METTL25: variants seen among roughly 807,000 people sequenced by gnomAD.
METTL25 encodes the protein probable methyltransferase-like protein 25.
METTL25 carries 64 observed loss-of-function variants against 71.6 expected under a neutral mutation model. The ratio of observed to expected loss-of-function variants is 0.89; its 90% CI spans 0.73 to 1.10. The LOEUF (loss-of-function observed/expected upper bound fraction) is 1.10, where lower values mean the gene tolerates loss of function less well. Among genes scored for constraint, METTL25 ranks in the 50% least tolerant of loss-of-function variants. The pLI is 0.00. For synonymous variants in METTL25, 287 were observed against 250.3 expected (o/e 1.15, Z -1.38); for missense variants, 807 against 707.0 (o/e 1.14, Z -1.60).
chr12:82,458,518 T>C lies in METTL25; in HGVS notation c.1572+1698T>C, dbSNP rs566246495. Reference sequence around the variant, plus strand: ...TGTAATTTAATTGTTGGAGGCTCAGTGTGGACAACTTTGGGAATTAAAAAA... The same window carrying C: ...TGTAATTTAATTGTTGGAGGCTCAGCGTGGACAACTTTGGGAATTAAAAAA... On this transcript the variant is annotated intron_variant, in intron 9 of 11. Transcript: ENST00000248306. 2.6e-5 allele frequency among the ~76,000 whole-genome samples: 4 copies of C among 152,174 alleles called. No individual in the cohort carries two copies. In the East Asian group the frequency reaches 7.7e-4, roughly 29 times the overall value.
chr12:82,361,446 C>T (rs1881873492), intron 1 of METTL25, among the ~76,000 whole-genome samples: 1 of 152,174 alleles, frequency 6.6e-6, no homozygotes, highest in South Asian at 2.1e-4. Context: ...GTCGATGGGA[C>T]CAGGCACTGT....
chr12:82,422,308 C>A (rs1410961419), intron 5 of METTL25, among the ~76,000 whole-genome samples: 1 of 152,146 alleles, frequency 6.6e-6, no homozygotes, highest in Non-Finnish European at 1.5e-5. Flanking sequence ...ACATGATTAT[C>A]TCAATAGATG....
intron 2 of METTL25, among the ~76,000 whole-genome samples, chr12:82,388,466 T>C (rs1410518605): frequency 6.6e-6 from 1 of 152,014 alleles, no homozygotes; most frequent in Non-Finnish European, 1.5e-5. Flanking sequence ...GGGGCTGTAG[T>C]CGACTGGCAA....
intron 11 of METTL25, among the ~76,000 whole-genome samples, chr12:82,478,527 CT>C: frequency 6.6e-6 from 1 of 151,578 alleles, no homozygotes; most frequent in East Asian, 1.9e-4. Flanking sequence ...ATTATTTGTA[CT>C]TTAATTAATA....
intron 3 of METTL25, among the ~76,000 whole-genome samples, chr12:82,395,138 A>T (rs1304950746): frequency 1.3e-5 from 2 of 152,048 alleles, no homozygotes; most frequent in African/African-American, 4.8e-5. Flanking sequence ...TATGAAACAG[A>T]TATTTCCACT....
intron 1 of METTL25, among the ~76,000 whole-genome samples, chr12:82,376,748 T>C (rs950590338): frequency 6.6e-6 from 1 of 152,270 alleles, no homozygotes; most frequent in Non-Finnish European, 1.5e-5. Context: ...CATAATCTTA[T>C]TGTTAAATTA....
At chr12:82,369,796 G>A (rs534364704) in intron 1 of METTL25, among the ~76,000 whole-genome samples, 250 of 151,924 alleles carry the variant, frequency 1.6e-3, no homozygotes, top group African/African-American at 5.7e-3. Flanking sequence ...TGATTGGTGC[G>A]TTTACAATTC....
intron 3 of METTL25, among the ~76,000 whole-genome samples, chr12:82,392,423 A>G (rs1000195598): frequency 6.6e-5 from 10 of 152,010 alleles, no homozygotes; most frequent in Non-Finnish European, 1.5e-4. Flanking sequence ...TGTCCCTACA[A>G]AGGACATGAA....
At chr12:82,392,022 T>C (rs1006224780) in intron 3 of METTL25, among the ~76,000 whole-genome samples, 1 of 151,528 alleles carries the variant, frequency 6.6e-6, no homozygotes, top group African/African-American at 2.4e-5. Context: ...TGGCCATTTG[T>C]ATGTCTTCAT....
chr12:82,452,659 G>T (rs1432849193), intron 8 of METTL25, among the ~76,000 whole-genome samples: 2 of 152,096 alleles, frequency 1.3e-5, no homozygotes, highest in Non-Finnish European at 2.9e-5. Context: ...TTATTTTTAA[G>T]ATTACTTTAT....
At chr12:82,427,203 G>T (rs1348737111) in intron 5 of METTL25, among the ~76,000 whole-genome samples, 2 of 151,904 alleles carry the variant, frequency 1.3e-5, no homozygotes, top group Non-Finnish European at 2.9e-5. Flanking sequence ...TCCTCAAGCA[G>T]TGGATTTCTC....
intron 5 of METTL25, among the ~76,000 whole-genome samples, chr12:82,414,313 T>G (rs1887789710): frequency 6.6e-6 from 1 of 152,236 alleles, no homozygotes; most frequent in Non-Finnish European, 1.5e-5. Context: ...ACAATTTACC[T>G]CACTCTGACA....
intron 8 of METTL25, among the ~76,000 whole-genome samples, chr12:82,442,756 G>T (rs1037150715): frequency 1.2e-4 from 19 of 152,042 alleles, no homozygotes; most frequent in African/African-American, 4.6e-4. Context: ...ACAACTGTAT[G>T]TGATTTTATA....
rs774994073 is a variant in METTL25 at position 82,386,878 on chromosome 12, C to T, written c.335C>T (p.Ala112Val). ...AGTGTGGAAGCCTTTGCTCTGGCTG[C>T]GAAATACTATTCTGTACAAAACTTG... ...LVSVEAFALA[A>V]KYYSVQNLGI... Residue 112 changes from alanine (A) to valine (V), a missense_variant, in exon 2 of 12, where the codon GCG becomes GTG. Ala to Val is a moderately conservative substitution (Grantham distance 64). Coordinates refer to ENST00000248306, the MANE Select transcript of METTL25 (RefSeq NM_032230.3). 17 of 1,613,328 alleles carry T rather than the reference C, an allele frequency of 1.1e-5. No individual in the cohort carries two copies. The highest frequency in any genetic ancestry group is 4.5e-5 in the East Asian group (2 of 44,830).
intron 5 of METTL25, among the ~76,000 whole-genome samples, chr12:82,422,885 CAAAAT>C (rs1008508419): frequency 6.6e-6 from 1 of 151,976 alleles, no homozygotes; most frequent in African/African-American, 2.4e-5. Flanking sequence ...CACTGCTCAA[CAAAAT>C]AAAAGAGGAT....
At chr12:82,427,617 C>T (rs1461451637) in intron 5 of METTL25, among the ~76,000 whole-genome samples, 1 of 151,968 alleles carries the variant, frequency 6.6e-6, no homozygotes, top group African/African-American at 2.4e-5. Context: ...AAATCTTCCT[C>T]TCATCCTTAT....
intron 1 of METTL25, among the ~76,000 whole-genome samples, chr12:82,362,138 A>G (rs996496737): frequency 6.6e-6 from 1 of 152,212 alleles, no homozygotes; most frequent in African/African-American, 2.4e-5. Flanking sequence ...AGTAGGTTTC[A>G]TGTGCCAGGT....
intron 8 of METTL25, among the ~76,000 whole-genome samples, chr12:82,449,621 C>T (rs1169017017): frequency 1.3e-5 from 2 of 152,064 alleles, no homozygotes; most frequent in African/African-American, 4.8e-5. Flanking sequence ...TCCTCCTTTT[C>T]TTCTTTTTCT....
chr12:82,372,212 C>T (rs996268421), intron 1 of METTL25, among the ~76,000 whole-genome samples: 3 of 152,158 alleles, frequency 2.0e-5, no homozygotes, highest in Non-Finnish European at 4.4e-5. Context: ...CCCAGGTCTG[C>T]CTTGATCTGC....
Sources: gnomAD v4.1 joint callset for allele counts (sites outside exome capture counted in the v4.1 genomes callset) on GRCh38, gnomAD v4.1.1 for gene constraint, MANE v1.5 for transcripts, NCBI Gene and HGNC (gene_info 2026-07-23, HGNC 2026-07-21) for gene names.